The following TMEM132C variants were observed in gnomAD, a reference collection of about 807,000 sequenced individuals.
TMEM132C encodes transmembrane protein 132C.
TMEM132C carries 29 observed loss-of-function variants against 61.4 expected under a neutral mutation model. The ratio of observed to expected loss-of-function variants is 0.47; its 90% confidence interval spans 0.35 to 0.64. TMEM132C has a LOEUF of 0.64. Ranked by LOEUF, TMEM132C falls within the 30% of genes least tolerant of loss-of-function variation. The probability of loss-of-function intolerance (pLI) is 0.00; values close to 1 mark genes in which losing one functional copy is unlikely to be tolerated. For missense variants in TMEM132C, 1,408 were observed against 1,476.9 expected, an observed-to-expected ratio of 0.95 and a Z score of 0.76; for synonymous variants, 656 against 633.1, an observed-to-expected ratio of 1.04 and a Z score of -0.54.
intron 2 of TMEM132C, among the ~76,000 whole-genome samples, chr12:128,516,269 T>C (rs1358716186): frequency 1.3e-5 from 2 of 152,220 alleles, no homozygotes; most frequent in Non-Finnish European, 2.9e-5. Flanking sequence ...CACGGGAGGC[T>C]GGATAAACCT....
At chr12:128,378,117 TTG>T (rs771010225) in intron 1 of TMEM132C, among the ~76,000 whole-genome samples, 4,518 of 55,906 alleles carry the variant, frequency 0.081, 81 homozygotes, top group Non-Finnish European at 0.16. Context: ...CAGTTTTTTT[TTG>T]TTTTTTTTTT....
intron 1 of TMEM132C, among the ~76,000 whole-genome samples, chr12:128,336,096 C>T (rs2135949597): frequency 6.6e-6 from 1 of 152,212 alleles, no homozygotes; most frequent in Non-Finnish European, 1.5e-5. Flanking sequence ...ATACAACAGG[C>T]TTTATTGTGA....
chr12:128,706,154 C>T lies in TMEM132C; in HGVS notation c.3186C>T (p.Ile1062=). 1.3e-6 allele frequency: 2 copies of T among 1,551,056 alleles called. No individual in the cohort carries two copies. Among genetic ancestry groups the T allele is most frequent in the Non-Finnish European group, 1.7e-6 (2 of 1,146,632 alleles). The change falls in exon 9 of 9, where the codon ATC becomes ATT. Residue 1062 remains isoleucine, a synonymous_variant. Coordinates refer to ENST00000435159, the MANE Select transcript of TMEM132C (RefSeq NM_001136103.3). ...KKVKFTTFTT[I]PPDDSCPTVN... ...TGAAATTTACCACCTTTACCACCAT[C>T]CCCCCGGACGACAGCTGCCCCACGG...
At chr12:128,374,133 G>A (rs1406958137) in intron 1 of TMEM132C, among the ~76,000 whole-genome samples, 1 of 152,206 alleles carries the variant, frequency 6.6e-6, no homozygotes, top group African/African-American at 2.4e-5. Context: ...ACTGGCCCGG[G>A]TGGGGAGGGG....
intron 2 of TMEM132C, among the ~76,000 whole-genome samples, chr12:128,454,509 C>A (rs1393638297): frequency 6.6e-6 from 1 of 152,184 alleles, no homozygotes; most frequent in Non-Finnish European, 1.5e-5. Context: ...GTTAAAATGA[C>A]CATTTGGTTT....
chr12:128,287,157 G>A (rs2135904746), intron 1 of TMEM132C, among the ~76,000 whole-genome samples: 1 of 152,248 alleles, frequency 6.6e-6, no homozygotes, highest in South Asian at 2.1e-4. Flanking sequence ...CCTGTGCAGG[G>A]CTAGATGCCA....
At chr12:128,282,344 A>G (rs1249218579) in intron 1 of TMEM132C, among the ~76,000 whole-genome samples, 1 of 152,262 alleles carries the variant, frequency 6.6e-6, no homozygotes, top group Non-Finnish European at 1.5e-5. Context: ...AAGAGGTTTA[A>G]TTGACTCACA....
At chr12:128,588,141 T>C (rs1875618121) in intron 3 of TMEM132C, among the ~76,000 whole-genome samples, 1 of 152,220 alleles carries the variant, frequency 6.6e-6, no homozygotes, top group East Asian at 1.9e-4. Context: ...ATGACTTTCA[T>C]GTCTCTTTCT....
intron 2 of TMEM132C, among the ~76,000 whole-genome samples, chr12:128,495,898 T>A (rs1871935263): frequency 6.6e-6 from 1 of 152,204 alleles, no homozygotes. Flanking sequence ...GTTATTTTGC[T>A]CGTTAGTTGA....
intron 2 of TMEM132C, among the ~76,000 whole-genome samples, chr12:128,485,960 T>C (rs117768197): frequency 6.6e-6 from 1 of 152,282 alleles, no homozygotes; most frequent in East Asian, 1.9e-4. Flanking sequence ...AAAGTTAGAC[T>C]TTGAGGTGTA....
chr12:128,604,390 G>C (rs1463837248), intron 3 of TMEM132C, among the ~76,000 whole-genome samples: 1 of 146,660 alleles, frequency 6.8e-6, no homozygotes, highest in African/African-American at 2.5e-5. Flanking sequence ...TGGCTAGATA[G>C]ATAAATAATG....
intron 4 of TMEM132C, among the ~76,000 whole-genome samples, chr12:128,663,023 G>A (rs1024387012): frequency 2.6e-5 from 4 of 152,144 alleles, no homozygotes; most frequent in Admixed American, 6.5e-5. Flanking sequence ...ATCGAAAGCC[G>A]GATCTGAGCC....
At chr12:128,344,774 G>A (rs1873096199) in intron 1 of TMEM132C, among the ~76,000 whole-genome samples, 1 of 152,038 alleles carries the variant, frequency 6.6e-6, no homozygotes, top group South Asian at 2.1e-4. Context: ...GAAATTATGT[G>A]CTTATAGGCC....
intron 5 of TMEM132C, among the ~76,000 whole-genome samples, chr12:128,686,044 C>CGTGTGTGCATGTGT (rs1171568404): frequency 1.4e-5 from 2 of 144,288 alleles, no homozygotes. Flanking sequence ...TGTATTCGCG[C>CGTGTGTGCATGTGT]GTGTGTGCAT....
At chr12:128,556,655 T>A (rs1478949783) in intron 3 of TMEM132C, among the ~76,000 whole-genome samples, 1 of 152,102 alleles carries the variant, frequency 6.6e-6, no homozygotes, top group Non-Finnish European at 1.5e-5. Context: ...TGAGCAGAAG[T>A]GATGCTATGT....
At chr12:128,430,347 A>T (rs545189480) in intron 2 of TMEM132C, among the ~76,000 whole-genome samples, 14 of 152,340 alleles carry the variant, frequency 9.2e-5, no homozygotes, top group Admixed American at 2.6e-4. Flanking sequence ...TTAAATGCAG[A>T]CCAGGCCTGA....
At chr12:128,420,609 A>T (rs115310435) in intron 2 of TMEM132C, among the ~76,000 whole-genome samples, 1,800 of 152,292 alleles carry the variant, frequency 0.012, 40 homozygotes, top group African/African-American at 0.041. Flanking sequence ...ATTTTTATGT[A>T]TTGCAGTAAT....
chr12:128,587,538 C>T (rs1163281942), intron 3 of TMEM132C, among the ~76,000 whole-genome samples: 1 of 152,242 alleles, frequency 6.6e-6, no homozygotes, highest in African/African-American at 2.4e-5. Context: ...ACAGTGAAGG[C>T]ACAAACATTC....
At chr12:128,387,024 C>T (rs992062532) in intron 1 of TMEM132C, among the ~76,000 whole-genome samples, 4 of 151,466 alleles carry the variant, frequency 2.6e-5, no homozygotes, top group African/African-American at 7.3e-5. Flanking sequence ...ATCTGTGGTC[C>T]CTGCTACTTG....
Sources: gnomAD v4.1 joint callset for allele counts (sites outside exome capture counted in the v4.1 genomes callset) on GRCh38, gnomAD v4.1.1 for gene constraint, MANE v1.5 for transcripts, NCBI Gene and HGNC (gene_info 2026-07-23, HGNC 2026-07-21) for gene names.